AGBL4: variants seen among roughly 807,000 people sequenced by gnomAD.
The protein encoded by AGBL4 is cytosolic carboxypeptidase 6.
AGBL4 carries 58 observed loss-of-function variants against 66.4 expected under a neutral mutation model. The ratio of observed to expected loss-of-function variants is 0.87; its 90% CI spans 0.71 to 1.09. AGBL4 has a LOEUF of 1.09. Among genes scored for constraint, AGBL4 ranks in the 50% least tolerant of loss-of-function variants. The probability of loss-of-function intolerance (pLI) is 0.00; values close to 1 mark genes in which losing one functional copy is unlikely to be tolerated. For missense variants in AGBL4, 579 were observed against 631.0 expected (o/e 0.92, Z 0.88); for synonymous variants, 234 against 222.9 (o/e 1.05, Z -0.44).
chr1:49,704,671 T>C (rs1647169554), intron 2 of AGBL4, among the ~76,000 whole-genome samples: 2 of 152,128 alleles, frequency 1.3e-5, no homozygotes, highest in Admixed American at 1.3e-4. Context: ...CCCAACACCA[T>C]TTATTAAATA....
At chr1:48,769,865 T>C (rs987558320) in intron 6 of AGBL4, among the ~76,000 whole-genome samples, 1 of 152,210 alleles carries the variant, frequency 6.6e-6, no homozygotes, top group Non-Finnish European at 1.5e-5. Flanking sequence ...AGCTTCTAAG[T>C]AGCACAGTCA....
rs866354225 is a variant in AGBL4 at position 48,579,936 on chromosome 1, A to T, written c.1267+7068T>A. On this transcript the variant is annotated intron_variant, in intron 11 of 13. Coordinates refer to ENST00000371839, the MANE Select transcript of AGBL4 (RefSeq NM_032785.4). ...GCCTCAAAAAAAAAAAAAAAAAAAAAAGAATACTCAATCCTACCTGTTAGA... is the reference window on the plus strand; with the variant it reads ...GCCTCAAAAAAAAAAAAAAAAAAAATAGAATACTCAATCCTACCTGTTAGA... Among the ~76,000 whole-genome samples the T allele has an allele frequency of 4.9e-3, 745 of 151,548 alleles. 9 individuals carry two copies. The highest frequency in any genetic ancestry group is 0.017 in the African/African-American group (703 of 41,294).
intron 2 of AGBL4, chr1:49,845,058 T>C: frequency 4.1e-6 from 6 of 1,455,886 alleles, no homozygotes; most frequent in Non-Finnish European, 5.7e-6. Flanking sequence ...AGAAAACCTA[T>C]GTAAAAGAGA....
Position 48,960,007 on chromosome 1 carries a change from C to T in AGBL4, c.594+85577G>A, listed in dbSNP as rs554713797. 2.0e-5 allele frequency among the ~76,000 whole-genome samples: 3 copies of T among 152,278 alleles called. No homozygotes were observed. In the South Asian group the frequency reaches 6.2e-4, roughly 32 times the overall value. On this transcript the variant is annotated intron_variant, in intron 5 of 13. Transcript: ENST00000371839. ...TTTCATTTCAGAAGAATCACTCTGG[C>T]TTTCAGGTGTAAAATAAATCATAGT... is the stretch of plus-strand genomic sequence containing the variant.
At chr1:49,558,788 TCAA>T (rs1643963817) in intron 3 of AGBL4, among the ~76,000 whole-genome samples, 1 of 152,094 alleles carries the variant, frequency 6.6e-6, no homozygotes, top group South Asian at 2.1e-4. Flanking sequence ...TAAAGGAACA[TCAA>T]CAGTATTCTG....
Position 49,545,588 on chromosome 1 carries a change from T to C in AGBL4, c.282+151725A>G, listed in dbSNP as rs114613768. Among the ~76,000 whole-genome samples the C allele has an allele frequency of 5.6e-3, 849 of 152,296 alleles. 9 individuals are homozygous for C. Among genetic ancestry groups the C allele is most frequent in the Non-Finnish European group, 6.9e-3 (468 of 68,020 alleles). On this transcript the variant is annotated intron_variant, in intron 3 of 13. Transcript: ENST00000371839. ...TTCACATATTAGTGAGAGAGTGAGC[T>C]GGAATTTTAACTCTGATCTCTGTGA... is the stretch of plus-strand genomic sequence containing the variant.
chr1:48,797,756 A>C (rs1645722781), intron 6 of AGBL4, among the ~76,000 whole-genome samples: 1 of 152,140 alleles, frequency 6.6e-6, no homozygotes, highest in Admixed American at 6.5e-5. Flanking sequence ...CATGTTGGCC[A>C]GGCTGGACTT....
At position 49,221,928 on chromosome 1, in the gene AGBL4, T is replaced by C. The variant is rs74076953; in HGVS notation, c.377+23842A>G. Among the ~76,000 whole-genome samples, 303 of 152,278 alleles carry C rather than the reference T, an allele frequency of 2.0e-3. 1 individual carries two copies. Among genetic ancestry groups the C allele is most frequent in the African/African-American group, 7.0e-3 (293 of 41,564 alleles). On this transcript the variant is annotated intron_variant, in intron 4 of 13. Transcript: ENST00000371839. The stretch of plus-strand genomic sequence containing the variant: ...AAGAATCAGGGCTGAAATATCTACT[T>C]CTGCATAGCATTCTTTTTTACCATT...
intron 6 of AGBL4, among the ~76,000 whole-genome samples, chr1:48,803,291 C>A (rs1177910092): frequency 6.6e-6 from 1 of 152,150 alleles, no homozygotes; most frequent in African/African-American, 2.4e-5. Flanking sequence ...AGTGCCCAGC[C>A]CAAGTCTGGC....
At chr1:48,529,793 G>A (rs1193755781), downstream of AGBL4, among the ~76,000 whole-genome samples, 3 of 152,054 alleles carry the variant, frequency 2.0e-5, no homozygotes, top group Admixed American at 6.5e-5. Context: ...TGTCACGATG[G>A]GTCCAACAAC....
At chr1:49,211,645 T>C (rs1428493265) in intron 4 of AGBL4, among the ~76,000 whole-genome samples, 2 of 152,090 alleles carry the variant, frequency 1.3e-5, no homozygotes, top group African/African-American at 2.4e-5. Context: ...TTTGAACATA[T>C]GTCACACAGT....
At position 48,545,532 on chromosome 1, in the gene AGBL4, T is replaced by C. The variant is rs894561045; in HGVS notation, c.1268-5794A>G. 5.3e-5 allele frequency among the ~76,000 whole-genome samples: 8 copies of C among 152,330 alleles called. No homozygotes were observed. The East Asian group carries it at 1.4e-3, about 26-fold the overall frequency. On this transcript the variant is annotated intron_variant, in intron 11 of 13. Transcript: ENST00000371839. ...CTCTTGGCTGGAATGCTTTTCATTG[T>C]ATTGTAGAATTAATAGATAAAAAAT...
chr1:49,169,319 TGATCCCTCCTGATCTG>T (rs1486847629), intron 4 of AGBL4, among the ~76,000 whole-genome samples: 1 of 152,214 alleles, frequency 6.6e-6, no homozygotes, highest in Non-Finnish European at 1.5e-5. Context: ...TCTTGCCCCA[TGATCCCTCCTGATCTG>T]TATAACAACT....
At chr1:48,907,840 C>T (rs1302503967) in intron 5 of AGBL4, among the ~76,000 whole-genome samples, 1 of 152,010 alleles carries the variant, frequency 6.6e-6, no homozygotes, top group Non-Finnish European at 1.5e-5. Flanking sequence ...CTGAGGAATC[C>T]TGGAAGAGAG....
chr1:49,756,693 G>A (rs1316455766), intron 2 of AGBL4, among the ~76,000 whole-genome samples: 1 of 152,184 alleles, frequency 6.6e-6, no homozygotes, highest in African/African-American at 2.4e-5. Flanking sequence ...TAGTGAGTAA[G>A]TTCTCACAAA....
chr1:49,689,645 C>T lies in AGBL4; in HGVS notation c.282+7668G>A, dbSNP rs142272965. ...TTTGATAGAGATTACATTCAATCTACGGACTGCTTTGGGTAGTGTGGACAT... is the reference window on the plus strand; with the variant it reads ...TTTGATAGAGATTACATTCAATCTATGGACTGCTTTGGGTAGTGTGGACAT... On this transcript the variant is annotated intron_variant, in intron 3 of 13. Coordinates refer to ENST00000371839, the MANE Select transcript of AGBL4 (RefSeq NM_032785.4). 4.9e-3 allele frequency among the ~76,000 whole-genome samples: 743 copies of T among 152,188 alleles called. 2 individuals are homozygous for T. The highest frequency in any genetic ancestry group is 0.01 in the Middle Eastern group (3 of 294).
chr1:49,523,735 A>G (rs894897462), intron 3 of AGBL4, among the ~76,000 whole-genome samples: 1 of 152,138 alleles, frequency 6.6e-6, no homozygotes, highest in Non-Finnish European at 1.5e-5. Context: ...GAATAAATCA[A>G]TTAGATAGTT....
intron 2 of AGBL4, among the ~76,000 whole-genome samples, chr1:49,785,119 A>G (rs1644420915): frequency 6.6e-6 from 1 of 152,096 alleles, no homozygotes; most frequent in African/African-American, 2.4e-5. Context: ...TGACTCTAAA[A>G]GACTAGAATT....
At chr1:49,632,459 T>A (rs1645588989) in intron 3 of AGBL4, among the ~76,000 whole-genome samples, 1 of 152,208 alleles carries the variant, frequency 6.6e-6, no homozygotes. Flanking sequence ...AGATTCCCTC[T>A]GGTCCATGTG....
Sources: gnomAD v4.1 joint callset for allele counts (sites outside exome capture counted in the v4.1 genomes callset) on GRCh38, gnomAD v4.1.1 for gene constraint, MANE v1.5 for transcripts, NCBI Gene and HGNC (gene_info 2026-07-23, HGNC 2026-07-21) for gene names.